Variants in RNF19A observed in about 807,000 individuals in gnomAD.
RNF19A encodes E3 ubiquitin-protein ligase RNF19A.
RNF19A carries 32 observed loss-of-function variants against 75.7 expected under a neutral mutation model. That is an observed-to-expected ratio of 0.42 (90% CI 0.32 to 0.57). The LOEUF is 0.57. Among genes scored for constraint, RNF19A ranks in the 20% least tolerant of loss-of-function variants. The pLI, the probability that RNF19A is intolerant of heterozygous loss-of-function variation, is 0.10. For synonymous variants in RNF19A, 335 were observed against 345.2 expected, an observed-to-expected ratio of 0.97 and a Z score of 0.33; for missense variants, 782 against 1,036.3, an observed-to-expected ratio of 0.75 and a Z score of 3.37.
chr8:100,304,453 T>A (rs1821981020), intron 1 of RNF19A, among the ~76,000 whole-genome samples: 1 of 152,164 alleles, frequency 6.6e-6, no homozygotes, highest in African/African-American at 2.4e-5. Context: ...GGTTACTTTA[T>A]TTTCCCCACT....
intron 3 of RNF19A, among the ~76,000 whole-genome samples, chr8:100,273,743 T>C (rs1447190578): frequency 1.3e-5 from 2 of 152,182 alleles, no homozygotes; most frequent in African/African-American, 4.8e-5. Context: ...ATTTCAACTA[T>C]ATGGACATAA....
At chr8:100,300,108 C>A (rs1236055062) in intron 1 of RNF19A, among the ~76,000 whole-genome samples, 1 of 152,230 alleles carries the variant, frequency 6.6e-6, no homozygotes, top group South Asian at 2.1e-4. Context: ...CTCTTGGGAA[C>A]CAAGAGGCAC....
At chr8:100,311,376 A>G (rs1822289007), upstream of RNF19A, among the ~76,000 whole-genome samples, 1 of 152,230 alleles carries the variant, frequency 6.6e-6, no homozygotes. Flanking sequence ...TACAGATAGC[A>G]CAAGAATAGT....
intron 3 of RNF19A, among the ~76,000 whole-genome samples, chr8:100,272,048 G>A (rs1390887761): frequency 6.6e-6 from 1 of 152,168 alleles, no homozygotes; most frequent in Non-Finnish European, 1.5e-5. Context: ...AAAACACCAT[G>A]TCCTCAAATG....
At chr8:100,292,437 T>TGTGTGG (rs1554671915) in intron 1 of RNF19A, among the ~76,000 whole-genome samples, 3 of 102,084 alleles carry the variant, frequency 2.9e-5, no homozygotes, top group Non-Finnish European at 5.6e-5. Flanking sequence ...ATCATATGGG[T>TGTGTGG]GTGTGTGTGT....
rs1163129790 is a variant in RNF19A, at chr8:100,260,956, G to C, written c.1682+586C>G. ...ATATCTGGCTGTTGTTACCCACAGA[G>C]GTAAGATCTAGGCTTAAGTACTGCC... On this transcript the variant is annotated intron_variant, in intron 8 of 9. Coordinates refer to ENST00000341084, the MANE Select transcript of RNF19A (RefSeq NM_183419.4). The surrounding 1 kb of genome is among the most constrained non-coding windows in gnomAD (Gnocchi z 4.1). Among the ~76,000 whole-genome samples, 1 of 152,212 alleles carries C rather than the reference G, an allele frequency of 6.6e-6. No homozygotes were observed. Among genetic ancestry groups the C allele is most frequent in the Non-Finnish European group, 1.5e-5 (1 of 68,040 alleles).
At chr8:100,328,706 G>A (rs1226013163) in intron 1 of RNF19A, among the ~76,000 whole-genome samples, 7 of 152,062 alleles carry the variant, frequency 4.6e-5, no homozygotes, top group Non-Finnish European at 7.4e-5. Flanking sequence ...TCCTGACCTC[G>A]TGATTCACCC....
chr8:100,266,647 G>A (rs1819994131), intron 5 of RNF19A, among the ~76,000 whole-genome samples: 1 of 152,072 alleles, frequency 6.6e-6, no homozygotes, highest in East Asian at 1.9e-4. Flanking sequence ...AATAGCGGGG[G>A]CTACAGGCAT....
intron 1 of RNF19A, among the ~76,000 whole-genome samples, chr8:100,289,674 C>A (rs986119871): frequency 2.6e-5 from 4 of 151,678 alleles, no homozygotes; most frequent in African/African-American, 9.7e-5. Context: ...AGAATAGGAA[C>A]TCTCTTACAC....
intron 3 of RNF19A, among the ~76,000 whole-genome samples, chr8:100,273,861 C>A (rs1294883251): frequency 1.3e-5 from 2 of 152,190 alleles, no homozygotes; most frequent in Admixed American, 1.3e-4. Context: ...CGGCTCACTG[C>A]AACCTCTGCC....
In RNF19A at chr8:100,268,870, A is replaced by G. The variant is rs201658484; in HGVS notation, c.1106T>C (p.Val369Ala). 1 of 1,605,430 alleles carries G rather than the reference A, an allele frequency of 6.2e-7. No homozygotes were observed. Among genetic ancestry groups the G allele is most frequent in the East Asian group, 2.3e-5 (1 of 44,396 alleles). ...TAAAGCGATTCCGACAGGAGCACCA[A>G]CCAGTGTTCCCAGTTGCCACAATAT... ...KKILWQLGTLVGAPVGIALIA... is the reference protein window; with the variant it reads ...KKILWQLGTLAGAPVGIALIA... Residue 369 changes from valine (V) to alanine (A), a missense_variant, in exon 5 of 10, where the codon GTT becomes GCT. Physicochemically the swap from Val to Ala is moderately conservative, Grantham distance 64. Around this residue, in one of 7 missense-constraint regions of RNF19A, gnomAD observed 41 missense variants for 75.9 expected, o/e 0.54. Coordinates refer to ENST00000341084, the MANE Select transcript of RNF19A (RefSeq NM_183419.4).
intron 2 of RNF19A, among the ~76,000 whole-genome samples, chr8:100,283,263 T>G: frequency 6.6e-6 from 1 of 152,230 alleles, no homozygotes; most frequent in East Asian, 1.9e-4. Context: ...ACAACAACTT[T>G]TTGCTCATCT....
chr8:100,273,973 C>A (rs1820381991), intron 3 of RNF19A, among the ~76,000 whole-genome samples: 1 of 151,994 alleles, frequency 6.6e-6, no homozygotes. Context: ...TTAGTGGAGA[C>A]AGGGTTTCAC....
chr8:100,290,802 T>C (rs553829165), intron 1 of RNF19A, among the ~76,000 whole-genome samples: 5 of 152,318 alleles, frequency 3.3e-5, no homozygotes, highest in South Asian at 2.1e-4. Flanking sequence ...GTATAGATTA[T>C]TGCTCCTAGG....
intron 5 of RNF19A, among the ~76,000 whole-genome samples, chr8:100,266,916 T>C (rs912962415): frequency 2.0e-5 from 3 of 152,166 alleles, no homozygotes; most frequent in Non-Finnish European, 2.9e-5. Context: ...TTTTAAGAAA[T>C]AGTATATATT....
rs1475824608 is a variant in RNF19A at position 100,322,678 on chromosome 8, G to GT, written c.-242-9307dup. On this transcript the variant is annotated intron_variant, in intron 1 of 3. Coordinates refer to the RNF19A transcript ENST00000519527. The surrounding 1 kb of genome is among the most constrained non-coding windows in gnomAD (Gnocchi z 5.1). ...TCCTCATTAAGCTTAATCATTTCTT[G>GT]TTTTTTGGTTTCAAGTGAGAGGCAT... Among the ~76,000 whole-genome samples the GT allele has an allele frequency of 6.6e-6, 1 of 152,168 alleles. No individual in the cohort carries two copies. The highest frequency in any genetic ancestry group is 1.5e-5 in the Non-Finnish European group (1 of 68,038).
At position 100,261,317 on chromosome 8, in the gene RNF19A, C is replaced by G. The variant is rs746024822; in HGVS notation, c.1682+225G>C. On this transcript the variant is annotated intron_variant, in intron 8 of 9. Transcript: ENST00000341084. The surrounding 1 kb of genome is among the most constrained non-coding windows in gnomAD (Gnocchi z 4.4). ...TTCGCCATGTTGCCCAGGCTGGTCT[C>G]GAACTCCTGAGCTCAGGCAATCCAC... Among the ~76,000 whole-genome samples, 1 of 152,112 alleles carries G rather than the reference C, an allele frequency of 6.6e-6. No homozygotes were observed. The highest frequency in any genetic ancestry group is 1.9e-4 in the East Asian group (1 of 5,184).
At chr8:100,309,739 C>A in intron 1 of RNF19A, 128 bp downstream of exon 1, 1 of 984,484 alleles carries the variant, frequency 1.0e-6, no homozygotes, top group Non-Finnish European at 1.2e-6. Flanking sequence ...ACCGGACTTC[C>A]GAATCCATTT....
intron 2 of RNF19A, among the ~76,000 whole-genome samples, chr8:100,277,353 C>A (rs1284338999): frequency 6.6e-6 from 1 of 152,034 alleles, no homozygotes; most frequent in Non-Finnish European, 1.5e-5. Flanking sequence ...GCTTTGTTGC[C>A]CAGGTTAGAG....
Sources: gnomAD v4.1 joint callset for allele counts (sites outside exome capture counted in the v4.1 genomes callset) on GRCh38, gnomAD v4.1.1 for gene constraint, gnomAD v4.1.1 regional missense constraint, Gnocchi (gnomAD v3.1) non-coding constraint, MANE v1.5 for transcripts, NCBI Gene and HGNC (gene_info 2026-07-23, HGNC 2026-07-21) for gene names.